NTN4: variants seen among roughly 807,000 people sequenced by gnomAD.
NTN4 encodes netrin-4.
Under a neutral mutation model 73.6 loss-of-function variants are expected in NTN4, and 32 were observed. That is an observed-to-expected ratio of 0.44 (90% CI 0.33 to 0.58). The LOEUF is 0.58. Ranked by LOEUF, NTN4 falls within the 20% of genes least tolerant of loss-of-function variation. The probability of loss-of-function intolerance (pLI) is 0.04; values close to 1 mark genes in which losing one functional copy is unlikely to be tolerated. For missense variants in NTN4, 654 were observed against 798.3 expected (o/e 0.82, Z 2.18); for synonymous variants, 258 against 287.5 (o/e 0.90, Z 1.04).
chr12:95,730,340 C>A (rs1443141376), intron 3 of NTN4, among the ~76,000 whole-genome samples: 1 of 152,112 alleles, frequency 6.6e-6, no homozygotes, highest in Non-Finnish European at 1.5e-5. Flanking sequence ...AGCTCTGATA[C>A]CAACATTTTA....
At chr12:95,765,541 G>A (rs1484133218) in intron 2 of NTN4, among the ~76,000 whole-genome samples, 2 of 152,176 alleles carry the variant, frequency 1.3e-5, no homozygotes, top group African/African-American at 4.8e-5. Flanking sequence ...TTACGACTGG[G>A]TTGTGCTCTA....
Position 95,785,480 on chromosome 12 carries a change from A to C in NTN4, c.585+1459T>G, listed in dbSNP as rs147990596. On this transcript the variant is annotated intron_variant, in intron 2 of 9. Transcript: ENST00000343702. Reference sequence around the variant, plus strand: ...CAACTTTGGGGACCATGAAGAATGGAAAACAGTCAGTGTGCTGCTTGCACC... The same window carrying C: ...CAACTTTGGGGACCATGAAGAATGGCAAACAGTCAGTGTGCTGCTTGCACC... 5.0e-4 allele frequency among the ~76,000 whole-genome samples: 76 copies of C among 152,358 alleles called. No individual in the cohort carries two copies. In the South Asian group the frequency reaches 0.011, roughly 21 times the overall value.
chr12:95,675,833 G>A (rs2078269163), intron 7 of NTN4, among the ~76,000 whole-genome samples: 2 of 152,170 alleles, frequency 1.3e-5, no homozygotes, highest in African/African-American at 4.8e-5. Flanking sequence ...ACTTTTTAAA[G>A]ACAGATTGGG....
At chr12:95,690,934 T>C (rs2078397111) in intron 5 of NTN4, among the ~76,000 whole-genome samples, 2 of 152,236 alleles carry the variant, frequency 1.3e-5, no homozygotes, top group Admixed American at 6.5e-5. Flanking sequence ...TTTTAAAAGC[T>C]ACACTCATTT....
At chr12:95,750,704 T>G (rs2078900083) in intron 2 of NTN4, among the ~76,000 whole-genome samples, 1 of 152,158 alleles carries the variant, frequency 6.6e-6, no homozygotes, top group East Asian at 1.9e-4. Context: ...ACCCCAAGCG[T>G]CGCTGAGTCT....
intron 2 of NTN4, among the ~76,000 whole-genome samples, chr12:95,771,179 C>T (rs1347645193): frequency 6.6e-5 from 10 of 151,796 alleles, no homozygotes; most frequent in African/African-American, 9.7e-5. Context: ...TTAGTAGAGA[C>T]GGGGTTTCAC....
chr12:95,659,999 T>A (rs778882748), intron 9 of NTN4, among the ~76,000 whole-genome samples: 1 of 152,118 alleles, frequency 6.6e-6, no homozygotes, highest in Non-Finnish European at 1.5e-5. Context: ...AAGGAGGTTT[T>A]TTTTTTGTTT....
chr12:95,773,759 G>A (rs939568521), intron 2 of NTN4, among the ~76,000 whole-genome samples: 3 of 151,688 alleles, frequency 2.0e-5, no homozygotes, highest in African/African-American at 4.8e-5. Flanking sequence ...TTATCACTAT[G>A]TAGCATTCTA....
At chr12:95,785,978 G>C (rs1277424754) in intron 2 of NTN4, among the ~76,000 whole-genome samples, 1 of 152,152 alleles carries the variant, frequency 6.6e-6, no homozygotes, top group African/African-American at 2.4e-5. Context: ...CCACCCACTA[G>C]ATGCCAGTGG....
chr12:95,672,819 T>TC, intron 7 of NTN4: 1 of 1,344,682 alleles, frequency 7.4e-7, no homozygotes, highest in Non-Finnish European at 1.1e-6. Context: ...AAGAAATAGT[T>TC]CCCCAGATCA....
At chr12:95,675,487 G>GA (rs2120963183) in intron 7 of NTN4, among the ~76,000 whole-genome samples, 1 of 144,490 alleles carries the variant, frequency 6.9e-6, no homozygotes, top group East Asian at 2.0e-4. Flanking sequence ...AAAATGTTGG[G>GA]AAAATTATCA....
At chr12:95,758,165 AGTT>A (rs761128106) in intron 2 of NTN4, among the ~76,000 whole-genome samples, 6 of 152,218 alleles carry the variant, frequency 3.9e-5, no homozygotes, top group African/African-American at 1.2e-4. Context: ...TGTTTGCTAA[AGTT>A]GTTGTACTAT....
intron 3 of NTN4, among the ~76,000 whole-genome samples, chr12:95,726,829 G>A (rs1392754340): frequency 6.6e-6 from 1 of 152,090 alleles, no homozygotes; most frequent in Non-Finnish European, 1.5e-5. Flanking sequence ...AATTAGCCGG[G>A]CATGGTGGTA....
intron 9 of NTN4, among the ~76,000 whole-genome samples, chr12:95,665,013 T>C (rs985897841): frequency 1.3e-5 from 2 of 152,138 alleles, no homozygotes; most frequent in African/African-American, 4.8e-5. Flanking sequence ...TGATTTGTTT[T>C]ATTAGAACCT....
At chr12:95,665,512 T>G (rs1346410635) in intron 9 of NTN4, among the ~76,000 whole-genome samples, 2 of 152,212 alleles carry the variant, frequency 1.3e-5, no homozygotes, top group Admixed American at 6.5e-5. Flanking sequence ...GCAGATAAAT[T>G]CATGAAAGTG....
intron 7 of NTN4, among the ~76,000 whole-genome samples, chr12:95,676,376 G>A (rs1204865173): frequency 2.0e-5 from 3 of 151,866 alleles, no homozygotes; most frequent in Non-Finnish European, 4.4e-5. Context: ...CAAAGTGCTG[G>A]GATTGCAGGT....
At chr12:95,704,846 A>G (rs1192240222) in intron 5 of NTN4, among the ~76,000 whole-genome samples, 1 of 152,198 alleles carries the variant, frequency 6.6e-6, no homozygotes, top group Admixed American at 6.5e-5. Flanking sequence ...AAGCCTACCC[A>G]GGGATCGGGG....
intron 5 of NTN4, among the ~76,000 whole-genome samples, chr12:95,703,190 A>C (rs182728851): frequency 6.6e-6 from 1 of 152,254 alleles, no homozygotes; most frequent in Admixed American, 6.5e-5. Context: ...AAAACTGGAA[A>C]AGAAGAGAGA....
At chr12:95,746,329 C>A (rs1394649551) in intron 2 of NTN4, among the ~76,000 whole-genome samples, 3 of 152,150 alleles carry the variant, frequency 2.0e-5, no homozygotes, top group Admixed American at 1.3e-4. Context: ...TTTCCTGTAA[C>A]CATTTATCCG....
Sources: allele counts gnomAD v4.1 joint callset (sites outside exome capture counted in the v4.1 genomes callset), GRCh38; gene constraint gnomAD v4.1.1; transcripts MANE v1.5; gene names NCBI Gene and HGNC (gene_info 2026-07-23, HGNC 2026-07-21).